Variants in LPIN2 observed in about 807,000 individuals in gnomAD.
LPIN2 encodes lipin 2.
A neutral mutation model predicts 111.4 loss-of-function variants in LPIN2; 55 were observed. The ratio of observed to expected loss-of-function variants is 0.49; its 90% CI spans 0.40 to 0.62. The LOEUF (loss-of-function observed/expected upper bound fraction) is 0.62, where lower values mean the gene tolerates loss of function less well. LPIN2 is among the 20% of genes least tolerant of loss of function. The probability of loss-of-function intolerance (pLI) is 0.00; values close to 1 mark genes in which losing one functional copy is unlikely to be tolerated. For missense variants in LPIN2, 992 were observed against 1,112.1 expected, an observed-to-expected ratio of 0.89 and a Z score of 1.54; for synonymous variants, 425 against 414.0, an observed-to-expected ratio of 1.03 and a Z score of -0.32.
Position 2,920,145 on chromosome 18 carries a change from G to T in LPIN2, c.*148C>A. ...CCTGCCGAGCCTGAGCAGCTGGCCT[G>T]GGAAGGCAAAGGAGGATGGCGGGAC... On this transcript the variant is annotated 3_prime_UTR_variant, in exon 20 of 20. Transcript: ENST00000677752. The T allele has an allele frequency of 2.8e-6, 3 of 1,068,750 alleles. No homozygotes were observed. Among genetic ancestry groups the T allele is most frequent in the Non-Finnish European group, 4.2e-6 (3 of 718,598 alleles). 66.2% of individuals were successfully genotyped at this position (1,068,750 alleles called of 1,614,324 possible).
intron 1 of LPIN2, among the ~76,000 whole-genome samples, chr18:2,985,629 T>C (rs1389682453): frequency 2.6e-5 from 4 of 152,224 alleles, no homozygotes; most frequent in Non-Finnish European, 5.9e-5. Flanking sequence ...TTTTGTTTTT[T>C]CTACTACTAA....
chr18:3,007,132 A>C (rs1484524535), intron 1 of LPIN2, among the ~76,000 whole-genome samples: 1 of 152,138 alleles, frequency 6.6e-6, no homozygotes, highest in Non-Finnish European at 1.5e-5. Context: ...CATTACAGCT[A>C]TGTCAAATAG....
Position 2,941,582 on chromosome 18 carries a change from G to A in LPIN2, c.591-870C>T, listed in dbSNP as rs573954327. Among the ~76,000 whole-genome samples, 14 of 152,286 alleles carry A rather than the reference G, an allele frequency of 9.2e-5. No homozygotes were observed. In the South Asian group the frequency reaches 2.3e-3, roughly 25 times the overall value. ...TGTCTACTTCAGAGTCAATGTGAGA[G>A]TTACATGGTGTAGCATGTTGAAATC... On this transcript the variant is annotated intron_variant, in intron 4 of 19. Transcript: ENST00000677752.
intron 1 of LPIN2, among the ~76,000 whole-genome samples, chr18:3,009,563 A>G (rs1029650729): frequency 6.6e-6 from 1 of 151,622 alleles, no homozygotes; most frequent in Non-Finnish European, 1.5e-5. Context: ...CTCAGCCTCC[A>G]GAGTAGCTGG....
At position 2,920,000 on chromosome 18, in the gene LPIN2, C is replaced by G; in HGVS notation, c.*293G>C. ...GCTTTTTTCTTCCTTTAAAATGATG[C>G]AATGGAAGGAGGCCCCAGCTCACAG... On this transcript the variant is annotated 3_prime_UTR_variant, in exon 20 of 20. Coordinates refer to ENST00000677752, the MANE Select transcript of LPIN2 (RefSeq NM_001375808.2). 1 of 506,168 alleles carries G rather than the reference C, an allele frequency of 2.0e-6. No individual in the cohort carries two copies. Among genetic ancestry groups the G allele is most frequent in the Non-Finnish European group, 3.6e-6 (1 of 277,474 alleles). 31.4% of individuals were successfully genotyped at this position (506,168 alleles called of 1,614,324 possible). A position where few individuals can be genotyped will look rare whatever the true frequency, so the allele number is the denominator to read the frequency against.
In LPIN2 at chr18:2,923,861, C is replaced by G; in HGVS notation, c.2088G>C (p.Lys696Asn). 1 of 1,613,670 alleles carries G rather than the reference C, an allele frequency of 6.2e-7. No homozygotes were observed. The highest frequency in any genetic ancestry group is 8.5e-7 in the Non-Finnish European group (1 of 1,179,598). Residue 696 changes from lysine (K) to asparagine (N), a missense_variant and splice_region_variant, in exon 16 of 20, where the codon AAG becomes AAC. Transcript: ENST00000677752. ...GGAGAATCTGTCCCAAAGCATCCGA[C>G]CTAAGAAGACGGTAGAAACAGGAAA... The part of the protein sequence containing the change: ...IISDIDGTIT[K>N]SDALGQILPQ...
chr18:2,947,201 C>T lies in LPIN2; in HGVS notation c.590+3854G>A, dbSNP rs545616169. ...TCCTTTCTGATGGTGTGATATTGAG[C>T]CTCCATTTTTGCTATTGCTGGGTAT... On this transcript the variant is annotated intron_variant, in intron 4 of 19. Transcript: ENST00000677752. 1.2e-3 allele frequency among the ~76,000 whole-genome samples: 190 copies of T among 152,272 alleles called. 1 individual carries two copies. The highest frequency in any genetic ancestry group is 2.1e-3 in the Non-Finnish European group (145 of 68,016).
chr18:2,920,948 T>C, intron 18 of LPIN2, 67 bp from the exon 19 acceptor site: 2 of 1,076,090 alleles, frequency 1.9e-6, no homozygotes, highest in Non-Finnish European at 2.9e-6. Context: ...CTCAGGCTCC[T>C]TGTGAGCCAG....
chr18:2,939,595 G>T lies in LPIN2; in HGVS notation c.707C>A (p.Pro236His). The change falls in exon 6 of 20, where the codon CCC becomes CAC. Residue 236 changes from proline to histidine, a missense_variant. Pro to His is a moderately conservative substitution (Grantham distance 77). Coordinates refer to ENST00000677752, the MANE Select transcript of LPIN2 (RefSeq NM_001375808.2). Reference sequence around the variant, plus strand: ...ATCACTCTTAGGACACGCTGTCTGGGGATAGGTGCTGCAAAGAGAACAAAG... The same window carrying T: ...ATCACTCTTAGGACACGCTGTCTGGTGATAGGTGCTGCAAAGAGAACAAAG... Reference protein sequence around the residue: ...GDWSPLETTYPQTACPKSDSE... With the variant: ...GDWSPLETTYHQTACPKSDSE... The T allele has an allele frequency of 6.2e-7, 1 of 1,613,428 alleles. No individual in the cohort carries two copies.
At chr18:2,924,619 C>T in intron 14 of LPIN2, 73 bp from the exon 15 acceptor site, 1 of 1,497,130 alleles carries the variant, frequency 6.7e-7, no homozygotes, top group East Asian at 2.3e-5. Context: ...ATTTACAGAA[C>T]AACTGGTGTC....
chr18:2,989,348 G>A (rs1450036619), intron 1 of LPIN2, among the ~76,000 whole-genome samples: 1 of 151,948 alleles, frequency 6.6e-6, no homozygotes, highest in Admixed American at 6.6e-5. Context: ...AACCAAGGAG[G>A]TGAAAGCTTG....
chr18:2,920,523 C>CA, intron 19 of LPIN2, 86 bp from the exon 20 acceptor site: 3 of 1,465,680 alleles, frequency 2.0e-6, no homozygotes, highest in Non-Finnish European at 2.9e-6. Flanking sequence ...AGCTGTCACT[C>CA]AGATTGCTCA....
intron 1 of LPIN2, among the ~76,000 whole-genome samples, chr18:3,010,732 A>G (rs778431812): frequency 6.6e-6 from 1 of 152,228 alleles, no homozygotes; most frequent in African/African-American, 2.4e-5. Context: ...TGTTACCACT[A>G]ATCTATCAAC....
Position 2,967,938 on chromosome 18 carries a change from A to G in LPIN2, c.-9-7089T>C, listed in dbSNP as rs138519408. Among the ~76,000 whole-genome samples the G allele has an allele frequency of 5.9e-3, 895 of 152,318 alleles. 6 individuals carry two copies. The highest frequency in any genetic ancestry group is 1.0e-2 in the Non-Finnish European group (680 of 68,028). On this transcript the variant is annotated intron_variant, in intron 1 of 19. Transcript: ENST00000677752. ...AGAACAACCTGGCCTACCCCCCAGG[A>G]GCACAAAACAGATGGTTCATTAAAG...
intron 1 of LPIN2, among the ~76,000 whole-genome samples, chr18:2,997,880 G>T (rs1250909084): frequency 6.6e-6 from 1 of 152,170 alleles, no homozygotes; most frequent in Admixed American, 6.5e-5. Context: ...CTGCTAGATC[G>T]GTAAGCATGA....
At chr18:2,958,156 A>AAAAAAAAAAAAAAAAAAG (rs2077646044) in intron 2 of LPIN2, among the ~76,000 whole-genome samples, 1 of 50,512 alleles carries the variant, frequency 2.0e-5, no homozygotes, top group Non-Finnish European at 4.7e-5. Context: ...AAAAAAAAAA[A>AAAAAAAAAAAAAAAAAAG]ACAACAAAAA....
intron 1 of LPIN2, among the ~76,000 whole-genome samples, chr18:2,982,001 C>T (rs930407441): frequency 2.0e-5 from 3 of 152,166 alleles, no homozygotes; most frequent in African/African-American, 7.2e-5. Context: ...TAGAGTTACA[C>T]TGTCCTCAAG....
chr18:2,951,836 G>C (rs1243408214), intron 3 of LPIN2, among the ~76,000 whole-genome samples: 1 of 152,232 alleles, frequency 6.6e-6, no homozygotes, highest in Non-Finnish European at 1.5e-5. Context: ...CAGTGATACA[G>C]AGCGGCCAAT....
Position 2,922,220 on chromosome 18 carries a change from T to TTA in LPIN2, c.2175-23_2175-22dup, listed in dbSNP as rs539116598. 1.7e-3 allele frequency: 2,676 copies of TTA among 1,613,598 alleles called. 6 individuals are homozygous for TTA. Among genetic ancestry groups the TTA allele is most frequent in the Non-Finnish European group, 2.1e-3 (2,481 of 1,179,728 alleles). On this transcript the variant is annotated intron_variant, in intron 16 of 19. Transcript: ENST00000677752. ...CATTCCTGAAAGAAAACACACCCTG[T>TTA]TAGCCCACATGTTCTGGCTAAGGGA... is the stretch of plus-strand genomic sequence containing the variant.
Sources: gnomAD v4.1 joint callset for allele counts (sites outside exome capture counted in the v4.1 genomes callset) on GRCh38, gnomAD v4.1.1 for gene constraint, MANE v1.5 for transcripts, NCBI Gene and HGNC (gene_info 2026-07-23, HGNC 2026-07-21) for gene names.